TMEM117: variants seen among roughly 807,000 people sequenced by gnomAD.
TMEM117 encodes the protein transmembrane protein 117.
A neutral mutation model predicts 52.4 loss-of-function variants in TMEM117; 27 were observed. The observed-to-expected ratio is 0.51, with a 90% CI of 0.38 to 0.71. The LOEUF is 0.71. TMEM117 is among the 30% of genes least tolerant of loss of function. TMEM117 has a pLI of 0.00. For missense variants in TMEM117, 556 were observed against 630.5 expected, an observed-to-expected ratio of 0.88 and a Z score of 1.26; for synonymous variants, 215 against 206.3, an observed-to-expected ratio of 1.04 and a Z score of -0.36.
At chr12:44,147,021 G>C (rs1948652556) in intron 4 of TMEM117, among the ~76,000 whole-genome samples, 1 of 152,168 alleles carries the variant, frequency 6.6e-6, no homozygotes, top group Admixed American at 6.5e-5. Context: ...AGTTTCTTAG[G>C]CAGCTCTGAC....
At chr12:44,367,745 C>T (rs569681187) in intron 6 of TMEM117, among the ~76,000 whole-genome samples, 1 of 152,210 alleles carries the variant, frequency 6.6e-6, no homozygotes, top group Admixed American at 6.6e-5. Context: ...ATACTGAGCT[C>T]TCTGGATTTC....
chr12:43,880,139 A>T (rs1469223756), intron 2 of TMEM117, among the ~76,000 whole-genome samples: 1 of 152,196 alleles, frequency 6.6e-6, no homozygotes, highest in Non-Finnish European at 1.5e-5. Flanking sequence ...TATAAAATAA[A>T]GTAATAATGC....
At chr12:43,876,710 G>A (rs1399918785) in intron 2 of TMEM117, among the ~76,000 whole-genome samples, 1 of 151,982 alleles carries the variant, frequency 6.6e-6, no homozygotes, top group Non-Finnish European at 1.5e-5. Context: ...TTAAGGTATT[G>A]CGTTTTCCAA....
intron 6 of TMEM117, among the ~76,000 whole-genome samples, chr12:44,357,901 G>A (rs111775533): frequency 5.9e-5 from 9 of 152,126 alleles, no homozygotes; most frequent in Non-Finnish European, 1.3e-4. Context: ...ATTCACAATA[G>A]CAAAGACATG....
intron 3 of TMEM117, among the ~76,000 whole-genome samples, chr12:44,044,326 A>G (rs1369113256): frequency 6.6e-6 from 1 of 152,166 alleles, no homozygotes; most frequent in Non-Finnish European, 1.5e-5. Context: ...TTCTGCAGAT[A>G]ACTGCTCTCC....
At chr12:44,123,444 C>G (rs1220861682) in intron 3 of TMEM117, among the ~76,000 whole-genome samples, 1 of 152,062 alleles carries the variant, frequency 6.6e-6, no homozygotes, top group Non-Finnish European at 1.5e-5. Context: ...ATTGCAATTG[C>G]TTTTTGCATT....
chr12:44,177,006 C>T (rs1009268049), intron 4 of TMEM117, among the ~76,000 whole-genome samples: 2 of 152,092 alleles, frequency 1.3e-5, no homozygotes, highest in African/African-American at 4.8e-5. Context: ...GTAAAATACC[C>T]AAGCCAGTCA....
intron 3 of TMEM117, among the ~76,000 whole-genome samples, chr12:44,141,619 G>A (rs951334798): frequency 1.2e-4 from 19 of 152,088 alleles, no homozygotes; most frequent in African/African-American, 4.6e-4. Flanking sequence ...TGGAAAAGTG[G>A]ACAGGTGGGG....
chr12:44,026,047 G>T lies in TMEM117; in HGVS notation c.410+81705G>T, dbSNP rs187064603. 2.4e-3 allele frequency among the ~76,000 whole-genome samples: 359 copies of T among 152,186 alleles called. 2 individuals are homozygous for T. Among genetic ancestry groups the T allele is most frequent in the Non-Finnish European group, 3.7e-3 (250 of 67,992 alleles). On this transcript the variant is annotated intron_variant, in intron 3 of 7. Coordinates refer to ENST00000266534, the MANE Select transcript of TMEM117 (RefSeq NM_032256.3). ...GGACCAATAATCTTTTCTACCCTCTGCACTGGAAACCATACTGACTGGTTT... is the reference window on the plus strand; with the variant it reads ...GGACCAATAATCTTTTCTACCCTCTTCACTGGAAACCATACTGACTGGTTT...
At chr12:44,179,325 T>C (rs1307112649) in intron 4 of TMEM117, among the ~76,000 whole-genome samples, 2 of 151,886 alleles carry the variant, frequency 1.3e-5, no homozygotes, top group African/African-American at 4.8e-5. Context: ...GCCGGAGAAA[T>C]AGAGAAGCCA....
intron 7 of TMEM117, among the ~76,000 whole-genome samples, chr12:44,384,473 G>GT (rs1240473748): frequency 1.3e-5 from 2 of 151,936 alleles, no homozygotes; most frequent in African/African-American, 4.8e-5. Context: ...ACGATCCCCT[G>GT]TTTTTTAGTC....
chr12:44,164,745 G>C (rs1444235558), intron 4 of TMEM117, among the ~76,000 whole-genome samples: 1 of 152,150 alleles, frequency 6.6e-6, no homozygotes, highest in East Asian at 1.9e-4. Flanking sequence ...GAGCCTGTCA[G>C]TACTCTGAGA....
chr12:43,955,388 A>G (rs748398885), intron 3 of TMEM117, among the ~76,000 whole-genome samples: 11 of 152,222 alleles, frequency 7.2e-5, no homozygotes, highest in Non-Finnish European at 1.2e-4. Context: ...CTATATGTAG[A>G]AACCCTATCA....
At chr12:44,302,123 T>C (rs1345395735) in intron 6 of TMEM117, among the ~76,000 whole-genome samples, 1 of 152,208 alleles carries the variant, frequency 6.6e-6, no homozygotes, top group African/African-American at 2.4e-5. Flanking sequence ...CTCCCCTCTA[T>C]ACTATTTAAT....
intron 3 of TMEM117, among the ~76,000 whole-genome samples, chr12:43,961,103 T>A (rs550119774): frequency 6.6e-6 from 1 of 152,282 alleles, no homozygotes; most frequent in East Asian, 1.9e-4. Flanking sequence ...AGGATGTTAG[T>A]ACCCATTTCA....
At chr12:43,805,844 G>T in the TMEM117 span, 2 of 1,404,126 alleles carry the variant, frequency 1.4e-6, no homozygotes, top group Non-Finnish European at 1.9e-6. Context: ...GTTCTCGACA[G>T]CGTACTGAAG....
intron 3 of TMEM117, among the ~76,000 whole-genome samples, chr12:44,088,090 A>G (rs563604108): frequency 1.4e-4 from 21 of 152,178 alleles, no homozygotes; most frequent in African/African-American, 2.7e-4. Flanking sequence ...GGAACACTTC[A>G]CTGTAGCTTT....
intron 5 of TMEM117, among the ~76,000 whole-genome samples, chr12:44,274,084 C>G (rs1448246258): frequency 1.3e-5 from 2 of 152,106 alleles, no homozygotes; most frequent in African/African-American, 4.8e-5. Context: ...CACAAAAAAA[C>G]TATTAGAAAT....
chr12:44,243,470 T>G (rs1950089593), intron 5 of TMEM117, among the ~76,000 whole-genome samples: 1 of 151,886 alleles, frequency 6.6e-6, no homozygotes, highest in African/African-American at 2.4e-5. Context: ...TATAAATGCA[T>G]TCAAACCAGT....
Sources: allele counts gnomAD v4.1 joint callset (sites outside exome capture counted in the v4.1 genomes callset), GRCh38; gene constraint gnomAD v4.1.1; transcripts MANE v1.5; gene names NCBI Gene and HGNC (gene_info 2026-07-23, HGNC 2026-07-21).